The following HEXD variants were observed in gnomAD, a reference collection of about 807,000 sequenced individuals.
HEXD encodes hexosaminidase D.
A neutral mutation model predicts 54.2 loss-of-function variants in HEXD; 47 were observed. The ratio of observed to expected loss-of-function variants is 0.87; its 90% CI spans 0.69 to 1.11. The LOEUF is 1.11. HEXD is among the 50% of genes least tolerant of loss of function. The pLI is 0.00. For synonymous variants in HEXD, 293 were observed against 287.6 expected (o/e 1.02, Z -0.19); for missense variants, 576 against 649.2 (o/e 0.89, Z 1.23).
Position 82,442,285 on chromosome 17 carries a change from C to T in HEXD, c.1362C>T (p.Ser454=), listed in dbSNP as rs1220869670. The change falls in exon 13 of 13, where the codon AGC becomes AGT. Residue 454 remains serine (S), a synonymous_variant. Transcript: ENST00000327949. The surrounding 1 kb of genome is among the most constrained non-coding windows in gnomAD (Gnocchi z 6.8). ...EEWLEENVHP[S]LQRLQALLQD... ...GGCTGGAGGAAAACGTGCACCCCAG[C>T]CTGCAGCGGCTGCAAGCTCTGCTGC... is the stretch of plus-strand genomic sequence containing the variant. The T allele has an allele frequency of 3.1e-6, 5 of 1,607,944 alleles. No individual in the cohort carries two copies. The highest frequency in any genetic ancestry group is 4.2e-6 in the Non-Finnish European group (5 of 1,179,928).
intron 1 of HEXD, 33 bp from the exon 2 acceptor site, chr17:82,419,716 C>A: frequency 5.0e-6 from 4 of 799,558 alleles, no homozygotes; most frequent in East Asian, 2.7e-5. Flanking sequence ...GAAGCTTCTG[C>A]CCCTGTTGAT....
chr17:82,441,032 A>C lies in HEXD; in HGVS notation c.1018A>C (p.Asn340His). 1 of 1,613,598 alleles carries C rather than the reference A, an allele frequency of 6.2e-7. No homozygotes were observed. Among genetic ancestry groups the C allele is most frequent in the Non-Finnish European group, 8.5e-7 (1 of 1,179,994 alleles). Residue 340 changes from asparagine to histidine, a missense_variant, in exon 10 of 13, where the codon AAC (asparagine) becomes CAC (histidine). By Grantham distance (68) the Asn-to-His change is moderately conservative. Transcript: ENST00000327949. Reference sequence around the variant, plus strand: ...TGAAGATGTTAAAGCGAAAGTGGAGAACCTTCTCGGGATTTCCAGCCTGGA... The same window carrying C: ...TGAAGATGTTAAAGCGAAAGTGGAGCACCTTCTCGGGATTTCCAGCCTGGA... ...FDEDVKAKVE[N>H]LLGISSLEKT...
Position 82,418,561 on chromosome 17 carries a change from G to A in HEXD, c.-231G>A, listed in dbSNP as rs1016115494. ...ACGAACGCCGTAACAGGGAGCGCGA[G>A]GCAGGCACGGCGCAGGGACGCGAGT... On this transcript the variant is annotated 5_prime_UTR_variant, in exon 1 of 13. Coordinates refer to ENST00000327949, the MANE Select transcript of HEXD (RefSeq NM_001330542.2). 1.3e-6 allele frequency: 1 copy of A among 785,360 alleles called. No homozygotes were observed. The allele number at this position is 785,360 out of a possible 1,614,324, so 48.6% of individuals were successfully genotyped here. A position where few individuals can be genotyped will look rare whatever the true frequency, so the allele number is the denominator to read the frequency against.
At chr17:82,439,334 C>T (rs1016785804) in intron 8 of HEXD, 6 of 690,924 alleles carry the variant, frequency 8.7e-6, no homozygotes, top group African/African-American at 1.9e-5. Flanking sequence ...GGAGGGACAA[C>T]GACCGGCCAC....
chr17:82,424,655 C>T (rs763848143), intron 3 of HEXD, 152 bp downstream of exon 3: 3 of 575,374 alleles, frequency 5.2e-6, no homozygotes, highest in Non-Finnish European at 6.2e-6. Flanking sequence ...TTTTTAAATT[C>T]ATCTCTTTAA....
intron 8 of HEXD, among the ~76,000 whole-genome samples, chr17:82,438,576 C>T (rs1161807199): frequency 1.3e-5 from 2 of 152,232 alleles, no homozygotes; most frequent in African/African-American, 2.4e-5. Flanking sequence ...CCCTGGTCGC[C>T]GGCCAAGTCC....
At position 82,418,471 on chromosome 17, in the gene HEXD, C is replaced by T; in HGVS notation, c.-321C>T. On this transcript the variant is annotated 5_prime_UTR_variant, in exon 1 of 13. Coordinates refer to ENST00000327949, the MANE Select transcript of HEXD (RefSeq NM_001330542.2). The stretch of plus-strand genomic sequence containing the variant: ...CCTCGGGCGCCTTGGTTGCGGCCCT[C>T]CGCTGAGGAGCCATCGGACCAGGCC... The T allele has an allele frequency of 1.4e-6, 2 of 1,470,284 alleles. No homozygotes were observed. The highest frequency in any genetic ancestry group is 1.8e-6 in the Non-Finnish European group (2 of 1,116,298). 91.1% of individuals were successfully genotyped at this position (1,470,284 alleles called of 1,614,324 possible). A position where few individuals can be genotyped will look rare whatever the true frequency, so the allele number is the denominator to read the frequency against.
chr17:82,422,950 G>A (rs537066782), intron 2 of HEXD, among the ~76,000 whole-genome samples: 18 of 151,932 alleles, frequency 1.2e-4, no homozygotes, highest in Non-Finnish European at 2.5e-4. Flanking sequence ...TCAGCTACTC[G>A]GGAGACTGAG....
At chr17:82,435,946 G>A (rs569733350) in intron 6 of HEXD, 74 bp downstream of exon 6, 8 of 1,476,710 alleles carry the variant, frequency 5.4e-6, no homozygotes, top group Admixed American at 1.8e-5. Flanking sequence ...GAAAGAAGGT[G>A]CTGTAGGAAG....
In HEXD at chr17:82,441,043, G is replaced by A. The variant is rs752178366; in HGVS notation, c.1029G>A (p.Gly343=). 6.2e-7 allele frequency: 1 copy of A among 1,613,636 alleles called. No individual in the cohort carries two copies. The highest frequency in any genetic ancestry group is 1.1e-5 in the South Asian group (1 of 91,084). Residue 343 remains glycine, a synonymous_variant, in exon 10 of 13, where the codon GGG becomes GGA. Transcript: ENST00000327949. ...DVKAKVENLL[G]ISSLEKTDPV... Reference sequence around the variant, plus strand: ...AAGCGAAAGTGGAGAACCTTCTCGGGATTTCCAGCCTGGAAAAAACGGACC... The same window carrying A: ...AAGCGAAAGTGGAGAACCTTCTCGGAATTTCCAGCCTGGAAAAAACGGACC...
chr17:82,419,637 C>T lies in HEXD; in HGVS notation c.-51-112C>T, dbSNP rs1271392582. On this transcript the variant is annotated intron_variant, in intron 1 of 12. Transcript: ENST00000327949. ...TCATGTTAGCAAAATGAGTTTCCTC[C>T]AAGTTAATCTATCAAAACTGGCCAG... 1.2e-5 allele frequency: 6 copies of T among 515,442 alleles called. No homozygotes were observed. The African/African-American group carries it at 1.2e-4, about 10-fold the overall frequency. The allele number at this position is 515,442 out of a possible 1,614,324, so 31.9% of individuals were successfully genotyped here. A position where few individuals can be genotyped will look rare whatever the true frequency, so the allele number is the denominator to read the frequency against.
chr17:82,432,887 C>A (rs183681886), intron 4 of HEXD, among the ~76,000 whole-genome samples: 10 of 146,084 alleles, frequency 6.8e-5, no homozygotes, highest in African/African-American at 2.5e-4. Flanking sequence ...CACGGTGAAA[C>A]CCCGTCTCTA....
Position 82,439,568 on chromosome 17 carries a change from G to A in HEXD, c.900-63G>A. 2.7e-6 allele frequency: 4 copies of A among 1,499,476 alleles called. No individual in the cohort carries two copies. The East Asian group carries it at 9.2e-5, about 34-fold the overall frequency. 92.9% of individuals were successfully genotyped at this position (1,499,476 alleles called of 1,614,324 possible). ...ACAACAGCAGGGACGTCCGAAGTCA[G>A]GGCGCCTGCGTCAGGCTGCTGGGGG... On this transcript the variant is annotated intron_variant, in intron 8 of 12. Coordinates refer to ENST00000327949, the MANE Select transcript of HEXD (RefSeq NM_001330542.2).
intron 4 of HEXD, among the ~76,000 whole-genome samples, chr17:82,431,560 C>T (rs1214990430): frequency 6.6e-6 from 1 of 151,860 alleles, no homozygotes; most frequent in Non-Finnish European, 1.5e-5. Flanking sequence ...GATTACAGCG[C>T]CCGCCACCAC....
chr17:82,439,170 G>A (rs971904644), intron 8 of HEXD, among the ~76,000 whole-genome samples: 1 of 152,226 alleles, frequency 6.6e-6, no homozygotes, highest in African/African-American at 2.4e-5. Flanking sequence ...CCTCCTCATG[G>A]GGCCTTGGGG....
chr17:82,425,636 T>C (rs2053391353), intron 3 of HEXD: 1 of 152,224 alleles, frequency 6.6e-6, no homozygotes, highest in African/African-American at 2.4e-5. Flanking sequence ...AACTGGCCAA[T>C]CCCAAAGGAA....
In HEXD at chr17:82,439,646, T is replaced by C; in HGVS notation, c.915T>C (p.Ser305=). 1 of 1,584,378 alleles carries C rather than the reference T, an allele frequency of 6.3e-7. No homozygotes were observed. Among genetic ancestry groups the C allele is most frequent in the South Asian group, 1.1e-5 (1 of 88,640 alleles). ...ATGGACCCAGGTACGACCACTACTC[T>C]GTGCTGTGCGAGCTGCTGCCCGCAG... ...LTGWQRYDHY[S]VLCELLPAGV... The change falls in exon 9 of 13, where the codon TCT becomes TCC. Residue 305 remains serine, a synonymous_variant. Coordinates refer to ENST00000327949, the MANE Select transcript of HEXD (RefSeq NM_001330542.2).
intron 4 of HEXD, among the ~76,000 whole-genome samples, chr17:82,433,090 AAATATATAT>A (rs1221216847): frequency 8.1e-5 from 1 of 12,292 alleles, no homozygotes; most frequent in African/African-American, 7.5e-4. Context: ...AAAAAAAAAA[AAATATATAT>A]ATATATATAT....
intron 3 of HEXD, chr17:82,428,159 AT>A: frequency 6.3e-6 from 1 of 157,848 alleles, no homozygotes; most frequent in South Asian, 1.8e-4. Flanking sequence ...TAATTTTTGT[AT>A]TTTTAGTAGA....
Sources: gnomAD v4.1 joint callset for allele counts (sites outside exome capture counted in the v4.1 genomes callset) on GRCh38, gnomAD v4.1.1 for gene constraint, Gnocchi (gnomAD v3.1) non-coding constraint, MANE v1.5 for transcripts, NCBI Gene and HGNC (gene_info 2026-07-23, HGNC 2026-07-21) for gene names.